PCDH9: variants seen among roughly 807,000 people sequenced by gnomAD.
PCDH9 encodes protocadherin-9.
PCDH9 carries 24 observed loss-of-function variants against 70.6 expected under a neutral mutation model. The observed-to-expected ratio is 0.34, with a 90% CI of 0.25 to 0.48. PCDH9 has a LOEUF of 0.48. Among genes scored for constraint, PCDH9 ranks in the 20% least tolerant of loss-of-function variants. The pLI, the probability that PCDH9 is intolerant of heterozygous loss-of-function variation, is 0.99. For synonymous variants in PCDH9, 562 were observed against 558.5 expected (o/e 1.01, Z -0.09); for missense variants, 1,281 against 1,503.6 (o/e 0.85, Z 2.45).
At chr13:66,713,174 A>G (rs1458769379) in intron 3 of PCDH9, among the ~76,000 whole-genome samples, 2 of 152,132 alleles carry the variant, frequency 1.3e-5, no homozygotes, top group Non-Finnish European at 2.9e-5. Flanking sequence ...CTGTGCTTTC[A>G]GAAAGGCAGG....
At chr13:66,308,914 A>G (rs1955517013) in intron 4 of PCDH9, among the ~76,000 whole-genome samples, 1 of 152,036 alleles carries the variant, frequency 6.6e-6, no homozygotes, top group Non-Finnish European at 1.5e-5. Flanking sequence ...AAAAACAAAA[A>G]CAAAACCTAT....
At chr13:66,510,916 T>G (rs1959440821) in intron 4 of PCDH9, among the ~76,000 whole-genome samples, 1 of 152,146 alleles carries the variant, frequency 6.6e-6, no homozygotes, top group African/African-American at 2.4e-5. Flanking sequence ...ACCCCTGAAA[T>G]TTTTCACTGA....
chr13:66,792,449 C>A (rs376307237), intron 3 of PCDH9, among the ~76,000 whole-genome samples: 2 of 151,880 alleles, frequency 1.3e-5, no homozygotes, highest in Admixed American at 1.3e-4. Context: ...GTGGGCAGAT[C>A]ACCTGAGGTC....
intron 3 of PCDH9, among the ~76,000 whole-genome samples, chr13:66,750,704 G>C (rs1320062601): frequency 6.6e-6 from 1 of 151,444 alleles, no homozygotes; most frequent in Non-Finnish European, 1.5e-5. Context: ...AACATGTACT[G>C]GGTTGATTTT....
chr13:66,622,241 G>A (rs1566461700), intron 4 of PCDH9, among the ~76,000 whole-genome samples: 1 of 152,330 alleles, frequency 6.6e-6, no homozygotes, highest in East Asian at 1.9e-4. Flanking sequence ...CGCTCCGTGG[G>A]CTCCTGTGCG....
chr13:66,667,906 T>C (rs1274215309), intron 3 of PCDH9, among the ~76,000 whole-genome samples: 3 of 152,218 alleles, frequency 2.0e-5, no homozygotes, highest in Non-Finnish European at 2.9e-5. Flanking sequence ...AATGTGTTCA[T>C]GAAGCATAGA....
intron 4 of PCDH9, among the ~76,000 whole-genome samples, chr13:66,336,879 T>G (rs1956046561): frequency 6.6e-6 from 1 of 152,080 alleles, no homozygotes; most frequent in Non-Finnish European, 1.5e-5. Context: ...GGCAGTTGGA[T>G]TAAATGCATT....
chr13:66,945,074 T>C (rs955322449), intron 2 of PCDH9, among the ~76,000 whole-genome samples: 2 of 151,986 alleles, frequency 1.3e-5, no homozygotes, highest in African/African-American at 2.4e-5. Flanking sequence ...GACATAGAAG[T>C]AGCTCTGAAA....
At chr13:67,104,572 G>A (rs1004376383) in intron 2 of PCDH9, among the ~76,000 whole-genome samples, 4 of 149,162 alleles carry the variant, frequency 2.7e-5, no homozygotes, top group Admixed American at 2.7e-4. Context: ...TTTTTGAGAC[G>A]GAGTCTCGCT....
chr13:66,991,439 G>GA (rs137953061), intron 2 of PCDH9, among the ~76,000 whole-genome samples: 3,799 of 151,832 alleles, frequency 0.025, 152 homozygotes, highest in African/African-American at 0.086. Flanking sequence ...ATACTAATAA[G>GA]AAAAAATATA....
At chr13:66,333,533 GAAATTTTA>G (rs1395250862) in intron 4 of PCDH9, among the ~76,000 whole-genome samples, 3 of 152,112 alleles carry the variant, frequency 2.0e-5, no homozygotes, top group African/African-American at 7.2e-5. Context: ...ACTTTAGATA[GAAATTTTA>G]AAATAGAATG....
chr13:67,202,394 G>A (rs1218526503), intron 2 of PCDH9: 2 of 152,016 alleles, frequency 1.3e-5, no homozygotes, highest in African/African-American at 4.8e-5. Flanking sequence ...GTGAACTGAA[G>A]TTGCATTTTT....
chr13:66,759,440 G>A (rs1282245862), intron 3 of PCDH9, among the ~76,000 whole-genome samples: 1 of 151,884 alleles, frequency 6.6e-6, no homozygotes, highest in Non-Finnish European at 1.5e-5. Flanking sequence ...TATACATTCA[G>A]CCACTCTTTG....
intron 2 of PCDH9, among the ~76,000 whole-genome samples, chr13:66,924,984 AT>A (rs952341637): frequency 1.4e-4 from 21 of 151,836 alleles, no homozygotes; most frequent in Admixed American, 1.1e-3. Flanking sequence ...TATAAACATG[AT>A]TTTTTTTATA....
At chr13:66,944,843 G>C (rs375415873) in intron 2 of PCDH9, among the ~76,000 whole-genome samples, 6 of 150,420 alleles carry the variant, frequency 4.0e-5, no homozygotes, top group South Asian at 2.1e-4. Context: ...GTGTGTGTGT[G>C]TGTGTGTGTG....
chr13:66,429,442 TAATA>T (rs1957731865), intron 4 of PCDH9, among the ~76,000 whole-genome samples: 1 of 150,596 alleles, frequency 6.6e-6, no homozygotes, highest in Non-Finnish European at 1.5e-5. Context: ...TTTTTTTTTT[TAATA>T]TTTTGCACCC....
At chr13:66,601,956 T>C (rs2077170481) in intron 4 of PCDH9, among the ~76,000 whole-genome samples, 1 of 146,124 alleles carries the variant, frequency 6.8e-6, no homozygotes, top group Non-Finnish European at 1.5e-5. Flanking sequence ...GTTACAGCTT[T>C]ATGTATTTAC....
intron 2 of PCDH9, among the ~76,000 whole-genome samples, chr13:67,166,139 C>T (rs3013574): frequency 0.023 from 3,493 of 152,228 alleles, 134 homozygotes; most frequent in African/African-American, 0.08. Context: ...CTGCTGAACA[C>T]TCCATATAAA....
At chr13:67,147,391 G>C (rs1594575807) in intron 2 of PCDH9, among the ~76,000 whole-genome samples, 1 of 152,166 alleles carries the variant, frequency 6.6e-6, no homozygotes, top group African/African-American at 2.4e-5. Context: ...ACACATCGCA[G>C]ATATAAAGCT....
Sources: gnomAD v4.1 joint callset for allele counts (sites outside exome capture counted in the v4.1 genomes callset) on GRCh38, gnomAD v4.1.1 for gene constraint, MANE v1.5 for transcripts, NCBI Gene and HGNC (gene_info 2026-07-23, HGNC 2026-07-21) for gene names.